Variants in COLGALT2 observed in about 807,000 individuals in gnomAD.
COLGALT2 encodes the protein collagen beta(1-O)galactosyltransferase 2.
Under a neutral mutation model 73.4 loss-of-function variants are expected in COLGALT2, and 49 were observed. That is an observed-to-expected ratio of 0.67 (90% CI 0.53 to 0.85). The LOEUF is 0.85. Among genes scored for constraint, COLGALT2 ranks in the 40% least tolerant of loss-of-function variants. The pLI is 0.00. For missense variants in COLGALT2, 722 were observed against 790.2 expected (o/e 0.91, Z 1.03); for synonymous variants, 295 against 307.6 (o/e 0.96, Z 0.43).
chr1:184,019,253 A>T (rs186470027), intron 1 of COLGALT2, among the ~76,000 whole-genome samples: 6 of 151,684 alleles, frequency 4.0e-5, no homozygotes, highest in Admixed American at 3.3e-4. Flanking sequence ...CAGTTATCTC[A>T]TTTTTCATGA....
chr1:183,930,250 A>G (rs1669812074), exon 12 of COLGALT2: 1 of 456,158 alleles, frequency 2.2e-6, no homozygotes. Flanking sequence ...AGTCATCAGA[A>G]AGTGTTTGGA....
chr1:183,970,014 G>T (rs1034294529), intron 4 of COLGALT2, among the ~76,000 whole-genome samples: 10 of 152,190 alleles, frequency 6.6e-5, no homozygotes, highest in African/African-American at 2.2e-4. Context: ...CCAGCACCAA[G>T]AATGTATCAG....
At chr1:183,972,734 C>G (rs915290089) in intron 4 of COLGALT2, among the ~76,000 whole-genome samples, 2 of 150,300 alleles carry the variant, frequency 1.3e-5, no homozygotes, top group Non-Finnish European at 2.9e-5. Context: ...GAGTCTCGCT[C>G]TGTCACCCAG....
intron 1 of COLGALT2, among the ~76,000 whole-genome samples, chr1:184,007,499 A>C (rs545994806): frequency 4.5e-4 from 68 of 152,348 alleles, no homozygotes; most frequent in African/African-American, 1.4e-3. Flanking sequence ...ATCATATTTT[A>C]AAATATGAGA....
In COLGALT2 at chr1:183,936,842, G is replaced by C; in HGVS notation, c.*1919C>G. 8.1e-7 allele frequency: 1 copy of C among 1,231,720 alleles called. No individual in the cohort carries two copies. Among genetic ancestry groups the C allele is most frequent in the East Asian group, 3.2e-5 (1 of 31,692 alleles). 76.3% of individuals were successfully genotyped at this position (1,231,720 alleles called of 1,614,324 possible). A position where few individuals can be genotyped will look rare whatever the true frequency, so the allele number is the denominator to read the frequency against. On this transcript the variant is annotated 3_prime_UTR_variant, in exon 12 of 12. Transcript: ENST00000361927. The stretch of plus-strand genomic sequence containing the variant: ...TTTCCTCCAGCGGCCTAGCTTGCTG[G>C]TCAGTGTAGAAGGGTACCCACAGTG...
exon 12 of COLGALT2, chr1:183,930,086 T>G: frequency 7.9e-6 from 3 of 381,116 alleles, no homozygotes; most frequent in Non-Finnish European, 1.0e-5. Context: ...CTGTCACTTC[T>G]GTTCACAGCC....
At chr1:183,950,833 C>G (rs1670376400) in intron 8 of COLGALT2, among the ~76,000 whole-genome samples, 174 bp downstream of exon 8, 1 of 152,122 alleles carries the variant, frequency 6.6e-6, no homozygotes, top group African/African-American at 2.4e-5. Context: ...GGATTTCAGG[C>G]CTGCTCTACA....
chr1:183,975,891 A>G (rs2102817867), intron 2 of COLGALT2, among the ~76,000 whole-genome samples: 1 of 152,276 alleles, frequency 6.6e-6, no homozygotes, highest in Non-Finnish European at 1.5e-5. Context: ...GTAACCCAAA[A>G]CTGGCCACCA....
chr1:184,019,368 C>G (rs74130994), intron 1 of COLGALT2, among the ~76,000 whole-genome samples: 5,011 of 152,172 alleles, frequency 0.033, 270 homozygotes, highest in African/African-American at 0.11. Context: ...GGTTTATGCA[C>G]GAAACATAGC....
rs1211060199 is a variant in COLGALT2, at chr1:184,028,731, CCAAGAT to C, written c.263+8358_263+8363del. ...TACCATACTCTTGGGGGTATACAGC[CCAAGAT>C]CACTATTCTAAGATCATTATTTATG... On this transcript the variant is annotated intron_variant, in intron 1 of 11. Coordinates refer to ENST00000361927, the MANE Select transcript of COLGALT2 (RefSeq NM_015101.4). 2.0e-5 allele frequency among the ~76,000 whole-genome samples: 3 copies of C among 152,060 alleles called. No homozygotes were observed. In the East Asian group the frequency reaches 5.8e-4, roughly 29 times the overall value.
rs181728957 is a variant in COLGALT2 at position 183,972,978 on chromosome 1, T to C, written c.627+638A>G. On this transcript the variant is annotated intron_variant, in intron 4 of 11. Transcript: ENST00000361927. Reference sequence around the variant, plus strand: ...CCTCCCAAAGTGCTGGGATCACAGGTGTGAGCCACCGCGCCTGGCATATTT... The same window carrying C: ...CCTCCCAAAGTGCTGGGATCACAGGCGTGAGCCACCGCGCCTGGCATATTT... Among the ~76,000 whole-genome samples, 210 of 152,318 alleles carry C rather than the reference T, an allele frequency of 1.4e-3. 2 individuals carry two copies. The highest frequency in any genetic ancestry group is 3.1e-4 in the Non-Finnish European group (21 of 68,014).
intron 6 of COLGALT2, among the ~76,000 whole-genome samples, chr1:183,962,217 T>C (rs1385700358): frequency 7.5e-6 from 1 of 133,762 alleles, no homozygotes; most frequent in African/African-American, 2.8e-5. Context: ...TGGAGTGCAA[T>C]GGCGCGATCT....
intron 1 of COLGALT2, among the ~76,000 whole-genome samples, chr1:184,027,402 C>T (rs185628195): frequency 1.3e-5 from 2 of 152,338 alleles, no homozygotes; most frequent in Admixed American, 1.3e-4. Flanking sequence ...TAGGACCCCG[C>T]TGTGGACCAT....
chr1:184,006,235 C>T (rs974481935), intron 1 of COLGALT2, among the ~76,000 whole-genome samples: 6 of 152,048 alleles, frequency 3.9e-5, no homozygotes, highest in Admixed American at 6.6e-5. Context: ...GGTGAATATT[C>T]GGTTCATAAA....
chr1:183,964,081 G>A lies in COLGALT2; in HGVS notation c.833-61C>T, dbSNP rs553441271. The A allele has an allele frequency of 1.8e-4, 292 of 1,583,070 alleles. 4 individuals are homozygous for A. The South Asian group carries it at 1.9e-3, about 10-fold the overall frequency. On this transcript the variant is annotated intron_variant, in intron 5 of 11. Transcript: ENST00000361927. ...GAAAACATACTGCTGAGTGACAAGC[G>A]AGGAGAAGGAACCTGAACTGTGTCT... is the stretch of plus-strand genomic sequence containing the variant.
At chr1:183,940,490 T>C in intron 11 of COLGALT2, 91 bp downstream of exon 11, 1 of 1,178,148 alleles carries the variant, frequency 8.5e-7, no homozygotes, top group Non-Finnish European at 1.3e-6. Flanking sequence ...GCAGTACAAC[T>C]TTAGAAAATA....
intron 8 of COLGALT2, among the ~76,000 whole-genome samples, chr1:183,946,769 C>G (rs978560953): frequency 1.3e-5 from 2 of 152,200 alleles, no homozygotes; most frequent in Non-Finnish European, 2.9e-5. Context: ...TGGTGGCTCA[C>G]GCCTGTAATC....
At position 183,938,692 on chromosome 1, in the gene COLGALT2, A is replaced by G; in HGVS notation, c.*69T>C. On this transcript the variant is annotated 3_prime_UTR_variant, in exon 12 of 12. Transcript: ENST00000361927. ...AAAACAAAACAGAAAACTGGAGCAAACAGATGAATAGCCCTTTAGAAAAAC... is the reference window on the plus strand; with the variant it reads ...AAAACAAAACAGAAAACTGGAGCAAGCAGATGAATAGCCCTTTAGAAAAAC... 6.4e-7 allele frequency: 1 copy of G among 1,564,450 alleles called. No individual in the cohort carries two copies. Among genetic ancestry groups the G allele is most frequent in the Non-Finnish European group, 8.7e-7 (1 of 1,155,724 alleles).
At chr1:183,960,106 G>A (rs959325766) in intron 6 of COLGALT2, among the ~76,000 whole-genome samples, 1 of 152,188 alleles carries the variant, frequency 6.6e-6, no homozygotes, top group Non-Finnish European at 1.5e-5. Flanking sequence ...GGTACAGTAT[G>A]TGTTGAATAA....
Sources: allele counts gnomAD v4.1 joint callset (sites outside exome capture counted in the v4.1 genomes callset), GRCh38; gene constraint gnomAD v4.1.1; transcripts MANE v1.5; gene names NCBI Gene and HGNC (gene_info 2026-07-23, HGNC 2026-07-21).